FAM135B: variants seen among roughly 807,000 people sequenced by gnomAD.
The protein encoded by FAM135B is protein FAM135B.
FAM135B carries 43 observed loss-of-function variants against 127.7 expected under a neutral mutation model. That is an observed-to-expected ratio of 0.34 (90% CI 0.26 to 0.43). The LOEUF (loss-of-function observed/expected upper bound fraction) is 0.43. Ranked by LOEUF, FAM135B falls within the 20% of genes least tolerant of loss-of-function variation. The probability of loss-of-function intolerance (pLI) is 1.00; values close to 1 mark genes in which losing one functional copy is unlikely to be tolerated. For synonymous variants in FAM135B, 670 were observed against 665.1 expected (o/e 1.01, Z -0.11); for missense variants, 1,558 against 1,725.6 (o/e 0.90, Z 1.72).
At chr8:138,361,032 T>C (rs1251098536) in intron 2 of FAM135B, among the ~76,000 whole-genome samples, 1 of 151,978 alleles carries the variant, frequency 6.6e-6, no homozygotes, top group African/African-American at 2.4e-5. Flanking sequence ...TTCAAGCAAT[T>C]CCCCTGCCTC....
intron 1 of FAM135B, among the ~76,000 whole-genome samples, chr8:138,413,761 T>C (rs1323776807): frequency 6.6e-6 from 1 of 152,010 alleles, no homozygotes; most frequent in Non-Finnish European, 1.5e-5. Context: ...ACCAGTTCCA[T>C]ATTCAGCCTG....
chr8:138,193,306 G>C (rs1410213494), intron 9 of FAM135B, among the ~76,000 whole-genome samples: 1 of 152,236 alleles, frequency 6.6e-6, no homozygotes, highest in African/African-American at 2.4e-5. Context: ...GCCAGGCTGA[G>C]AATCCCTGCT....
intron 1 of FAM135B, among the ~76,000 whole-genome samples, chr8:138,380,908 C>T (rs548524736): frequency 2.0e-4 from 31 of 152,050 alleles, no homozygotes; most frequent in African/African-American, 7.2e-4. Flanking sequence ...TTAGATCTTA[C>T]AGGAAGCTCA....
rs550045448 is a variant in FAM135B, at chr8:138,184,827, C to T, written c.874-6137G>A. Among the ~76,000 whole-genome samples, 6 of 152,330 alleles carry T rather than the reference C, an allele frequency of 3.9e-5. No individual in the cohort carries two copies. The East Asian group carries it at 9.6e-4, about 24-fold the overall frequency. ...CACGATATCCCAGCTGCACCATCAT[C>T]TCCAGGGAACTAGTGGGAATTGCAG... On this transcript the variant is annotated intron_variant, in intron 9 of 19. Coordinates refer to ENST00000395297, the MANE Select transcript of FAM135B (RefSeq NM_015912.4).
rs746278642 is a variant in FAM135B, at chr8:138,310,964, T to C, written c.78-44A>G. On this transcript the variant is annotated intron_variant, in intron 2 of 19. Transcript: ENST00000395297. ...ACAGGGTGCTGAAGATCAGCCTTCT[T>C]AACGTTGACTTCTAAAAATACCTAG... The C allele has an allele frequency of 4.0e-6, 6 of 1,484,754 alleles. No homozygotes were observed. In the South Asian group the frequency reaches 7.1e-5, roughly 18 times the overall value. 92.0% of individuals were successfully genotyped at this position (1,484,754 alleles called of 1,614,324 possible). A position where few individuals can be genotyped will look rare whatever the true frequency, so the allele number is the denominator to read the frequency against.
At chr8:138,368,737 T>C (rs1480786562) in intron 1 of FAM135B, among the ~76,000 whole-genome samples, 6 of 151,826 alleles carry the variant, frequency 4.0e-5, no homozygotes, top group Admixed American at 1.3e-4. Flanking sequence ...GATGGTTGAA[T>C]GGAAAAGATG....
At chr8:138,171,961 C>G (rs78830770) in intron 11 of FAM135B, among the ~76,000 whole-genome samples, 2 of 151,956 alleles carry the variant, frequency 1.3e-5, no homozygotes, top group Admixed American at 6.6e-5. Flanking sequence ...TGTGTGCATA[C>G]GAGTGTAGCT....
At chr8:138,314,188 A>G (rs1394529608) in intron 2 of FAM135B, among the ~76,000 whole-genome samples, 2 of 152,192 alleles carry the variant, frequency 1.3e-5, no homozygotes, top group Admixed American at 6.6e-5. Context: ...AACAGTACAT[A>G]TTAAGTGTGG....
intron 3 of FAM135B, among the ~76,000 whole-genome samples, chr8:138,282,998 T>C (rs1824379200): frequency 1.3e-5 from 2 of 152,086 alleles, no homozygotes; most frequent in Admixed American, 6.5e-5. Context: ...CCTCCTGGGT[T>C]CAAGTGATTT....
At chr8:138,428,974 G>T (rs956111016) in intron 1 of FAM135B, among the ~76,000 whole-genome samples, 1 of 152,182 alleles carries the variant, frequency 6.6e-6, no homozygotes, top group African/African-American at 2.4e-5. Flanking sequence ...GGATTCAATG[G>T]TGAATAAAAA....
chr8:138,175,430 A>T (rs1281877373), intron 11 of FAM135B, among the ~76,000 whole-genome samples: 2 of 152,206 alleles, frequency 1.3e-5, no homozygotes, highest in Non-Finnish European at 2.9e-5. Flanking sequence ...GTAACCCCAG[A>T]CACTGTTCAA....
chr8:138,186,253 A>C (rs78262049), intron 9 of FAM135B, among the ~76,000 whole-genome samples: 6,105 of 152,274 alleles, frequency 0.04, 253 homozygotes, highest in African/African-American at 0.1. Flanking sequence ...ATTGAGCTGC[A>C]AGTAAGTCCT....
chr8:138,394,978 G>A (rs551690817), intron 1 of FAM135B, among the ~76,000 whole-genome samples: 1 of 152,232 alleles, frequency 6.6e-6, no homozygotes, highest in Admixed American at 6.5e-5. Flanking sequence ...GACATGATTG[G>A]GTCACTTGTG....
intron 2 of FAM135B, among the ~76,000 whole-genome samples, chr8:138,360,958 C>T (rs1040188091): frequency 7.4e-5 from 11 of 148,898 alleles, no homozygotes; most frequent in African/African-American, 2.7e-4. Flanking sequence ...TGAAGTCTCA[C>T]TCTGTTGCCC....
At chr8:138,185,665 C>T (rs571313683) in intron 9 of FAM135B, among the ~76,000 whole-genome samples, 12 of 152,244 alleles carry the variant, frequency 7.9e-5, no homozygotes, top group African/African-American at 2.2e-4. Context: ...GGAAAGACTA[C>T]GTGACAATTT....
At chr8:138,149,503 A>T (rs1817946653) in intron 13 of FAM135B, among the ~76,000 whole-genome samples, 1 of 152,080 alleles carries the variant, frequency 6.6e-6, no homozygotes, top group African/African-American at 2.4e-5. Context: ...GTGTGCCTGA[A>T]ATGCCTTTCT....
At chr8:138,316,790 C>T (rs905337832) in intron 2 of FAM135B, among the ~76,000 whole-genome samples, 6 of 151,822 alleles carry the variant, frequency 4.0e-5, no homozygotes, top group African/African-American at 1.5e-4. Flanking sequence ...ACCATCCTGG[C>T]TAACACGGTG....
chr8:138,445,605 C>A (rs899162006), intron 1 of FAM135B, among the ~76,000 whole-genome samples: 12 of 152,076 alleles, frequency 7.9e-5, no homozygotes, highest in Admixed American at 3.9e-4. Context: ...ATTCAACAAC[C>A]CTTCATGCTA....
At chr8:138,414,737 T>C (rs1165073188) in intron 1 of FAM135B, among the ~76,000 whole-genome samples, 1 of 152,130 alleles carries the variant, frequency 6.6e-6, no homozygotes, top group African/African-American at 2.4e-5. Flanking sequence ...AAAGGGGAAG[T>C]GAAGATGGCT....
Sources: gnomAD v4.1 joint callset for allele counts (sites outside exome capture counted in the v4.1 genomes callset) on GRCh38, gnomAD v4.1.1 for gene constraint, MANE v1.5 for transcripts, NCBI Gene and HGNC (gene_info 2026-07-23, HGNC 2026-07-21) for gene names.